Variants in USP40 observed in about 807,000 individuals in gnomAD.
The protein encoded by USP40 is ubiquitin specific peptidase 40, also known as ubiquitin carboxyl-terminal hydrolase 40.
In USP40, 143 loss-of-function variants were observed where a neutral mutation model predicts 166.2. The ratio of observed to expected loss-of-function variants is 0.86; its 90% confidence interval spans 0.75 to 0.99. The LOEUF is 0.99. Among genes scored for constraint, USP40 ranks in the 50% least tolerant of loss-of-function variants. The pLI, the probability that USP40 is intolerant of heterozygous loss-of-function variation, is 0.00. For missense variants in USP40, 1,444 were observed against 1,479.7 expected (o/e 0.98, Z 0.40); for synonymous variants, 498 against 524.0 (o/e 0.95, Z 0.68).
rs1420063707 is a variant in USP40, at chr2:233,524,541, TCA to T, written c.1830_1831del (p.Cys610Ter). On this transcript the variant is annotated stop_gained and frameshift_variant, in exon 15 of 32. Coordinates refer to ENST00000678225, the MANE Select transcript of USP40 (RefSeq NM_001365479.2). LOFTEE classifies it high-confidence loss of function. ...GTCTTCCCCATCAGCAATTTCAGTT[TCA>T]CACAGTGTCAGTTCATCCCCTAGAA... is the stretch of plus-strand genomic sequence containing the variant. 1.9e-6 allele frequency: 3 copies of T among 1,605,732 alleles called. No homozygotes were observed. The highest frequency in any genetic ancestry group is 1.3e-5 in the African/African-American group (1 of 74,668).
intron 17 of USP40, 76 bp from the exon 18 acceptor site, chr2:233,519,747 C>T: frequency 1.3e-6 from 1 of 788,586 alleles, no homozygotes. Context: ...TCACTGTGTG[C>T]ATAAACAAAT....
intron 5 of USP40, among the ~76,000 whole-genome samples, chr2:233,555,978 T>C (rs2071046383): frequency 6.6e-6 from 1 of 151,754 alleles, no homozygotes. Flanking sequence ...TAGCCAGGCA[T>C]GGTGGCGGGC....
chr2:233,500,158 A>G (rs754166762), intron 21 of USP40, among the ~76,000 whole-genome samples: 1 of 152,210 alleles, frequency 6.6e-6, no homozygotes, highest in Non-Finnish European at 1.5e-5. Flanking sequence ...GACTTAGTTC[A>G]AAGTTTCATC....
chr2:233,547,055 T>C (rs183866739), intron 8 of USP40: 1 of 151,978 alleles, frequency 6.6e-6, no homozygotes, highest in African/African-American at 2.4e-5. Context: ...AGAATGGGAG[T>C]TCCATTCACT....
chr2:233,534,763 T>G (rs1353909077), intron 10 of USP40, among the ~76,000 whole-genome samples: 1 of 152,178 alleles, frequency 6.6e-6, no homozygotes. Flanking sequence ...TTCTTTTCAT[T>G]TTTTGTTCTT....
chr2:233,539,143 A>T lies in USP40; in HGVS notation c.1170+1519T>A, dbSNP rs550937812. Among the ~76,000 whole-genome samples the T allele has an allele frequency of 3.7e-4, 57 of 152,194 alleles. No individual in the cohort carries two copies. The South Asian group carries it at 9.3e-3, about 25-fold the overall frequency. On this transcript the variant is annotated intron_variant, in intron 10 of 31. Coordinates refer to ENST00000678225, the MANE Select transcript of USP40 (RefSeq NM_001365479.2). ...GCAAAAACTGTCAAAACTTTTTTTT[A>T]AAAAAATGAGACAAATCCACAATTA...
chr2:233,532,062 C>T (rs372648019), intron 11 of USP40, among the ~76,000 whole-genome samples: 2 of 152,158 alleles, frequency 1.3e-5, no homozygotes, highest in African/African-American at 4.8e-5. Context: ...ATTGGCTGAC[C>T]CCAACGAATC....
intron 5 of USP40, 79 bp downstream of exon 5, chr2:233,556,776 G>T: frequency 7.7e-7 from 1 of 1,294,908 alleles, no homozygotes; most frequent in Non-Finnish European, 1.0e-6. Context: ...TAATCCTTGT[G>T]TGGTATATAT....
At position 233,485,850 on chromosome 2, in the gene USP40, C is replaced by A. The variant is rs201966113; in HGVS notation, c.3325G>T (p.Asp1109Tyr). 51 of 1,610,384 alleles carry A rather than the reference C, an allele frequency of 3.2e-5. No homozygotes were observed. Among genetic ancestry groups the A allele is most frequent in the Non-Finnish European group, 4.3e-5 (51 of 1,178,616 alleles). The change falls in exon 29 of 32, where the codon GAT becomes TAT. Residue 1109 changes from aspartate (D) to tyrosine (Y), a missense_variant. Transcript: ENST00000678225. ...TTCTCCACGGGAAGACGATAGAAAT[C>A]GGCAACTCTCTGCCTCAGGGAGCCG... ...TAGSLRQRVADFYRLPVEKIE... is the reference protein window; with the variant it reads ...TAGSLRQRVAYFYRLPVEKIE...
At chr2:233,514,531 A>G (rs752765607) in intron 18 of USP40, among the ~76,000 whole-genome samples, 1 of 151,890 alleles carries the variant, frequency 6.6e-6, no homozygotes, top group Non-Finnish European at 1.5e-5. Flanking sequence ...ACAAGGTTAC[A>G]GTTAAGCAGG....
intron 30 of USP40, among the ~76,000 whole-genome samples, chr2:233,482,321 G>T (rs1384659832): frequency 1.3e-5 from 2 of 150,380 alleles, no homozygotes; most frequent in Non-Finnish European, 3.0e-5. Flanking sequence ...TCAAGATTGC[G>T]CCACTGTACT....
chr2:233,481,132 T>G, intron 31 of USP40, 71 bp downstream of exon 31: 2 of 1,422,202 alleles, frequency 1.4e-6, no homozygotes, highest in Non-Finnish European at 9.6e-7. Flanking sequence ...CCTCTCAGTT[T>G]CCAAGCAGGA....
At chr2:233,558,523 G>A (rs148571610) in intron 4 of USP40, among the ~76,000 whole-genome samples, 94 of 152,210 alleles carry the variant, frequency 6.2e-4, no homozygotes, top group African/African-American at 2.0e-3. Context: ...ACCACCTATT[G>A]GATCACTCCA....
intron 8 of USP40, among the ~76,000 whole-genome samples, chr2:233,544,407 C>T (rs1219230771): frequency 6.6e-6 from 1 of 152,090 alleles, no homozygotes; most frequent in Admixed American, 6.5e-5. Context: ...GAGGCATGAC[C>T]GATTAAATAA....
chr2:233,490,754 A>C (rs1028269802), intron 26 of USP40, among the ~76,000 whole-genome samples: 4 of 152,224 alleles, frequency 2.6e-5, no homozygotes, highest in African/African-American at 7.2e-5. Context: ...TAAAAGCTGG[A>C]GTTCTAACCT....
Position 233,493,348 on chromosome 2 carries a change from T to C in USP40, c.2917+77A>G, listed in dbSNP as rs771258785. ...TACGTTTTAAAAATAAATATATCAA[T>C]TGACTCTCAGAGCACAGGCAGTCAA... is the stretch of plus-strand genomic sequence containing the variant. On this transcript the variant is annotated intron_variant, in intron 25 of 31. Coordinates refer to ENST00000678225, the MANE Select transcript of USP40 (RefSeq NM_001365479.2). The surrounding 1 kb of genome is among the most constrained non-coding windows in gnomAD (Gnocchi z 4.7). 5 of 1,590,970 alleles carry C rather than the reference T, an allele frequency of 3.1e-6. 1 individual carries two copies. In the South Asian group the frequency reaches 3.3e-5, roughly 11 times the overall value.
At chr2:233,494,942 A>ATTTT (rs2065614200) in intron 24 of USP40, among the ~76,000 whole-genome samples, 1 of 57,316 alleles carries the variant, frequency 1.7e-5, no homozygotes, top group African/African-American at 1.2e-4. Context: ...ATATATATAT[A>ATTTT]TATATATATA....
intron 1 of USP40, 34 bp from the exon 2 acceptor site, chr2:233,565,607 T>G (rs1559294135): frequency 6.7e-7 from 1 of 1,501,616 alleles, no homozygotes. Flanking sequence ...GCTTTTATTT[T>G]TAAAATAAAT....
In USP40 at chr2:233,562,725, A is replaced by G. The variant is rs562276236; in HGVS notation, c.267+11T>C. ...AAACTTAAAGTATAATAATAATAAT[A>G]ATAAAAATACCTTTGCATCGGGTTT... On this transcript the variant is annotated intron_variant, in intron 3 of 31. Coordinates refer to ENST00000678225, the MANE Select transcript of USP40 (RefSeq NM_001365479.2). The G allele has an allele frequency of 2.2e-5, 33 of 1,494,554 alleles. No homozygotes were observed. The African/African-American group carries it at 4.2e-4, about 19-fold the overall frequency. 92.6% of individuals were successfully genotyped at this position (1,494,554 alleles called of 1,614,324 possible).
Sources: allele counts gnomAD v4.1 joint callset (sites outside exome capture counted in the v4.1 genomes callset), GRCh38; gene constraint gnomAD v4.1.1; non-coding constraint Gnocchi (gnomAD v3.1); transcripts MANE v1.5; gene names NCBI Gene and HGNC (gene_info 2026-07-23, HGNC 2026-07-21).